NPAS1: variants seen among roughly 807,000 people sequenced by gnomAD.
NPAS1 encodes the protein neuronal PAS domain-containing protein 1.
Under a neutral mutation model 49.2 loss-of-function variants are expected in NPAS1, and 29 were observed. That is an observed-to-expected ratio of 0.59 (90% CI 0.44 to 0.80). The LOEUF (loss-of-function observed/expected upper bound fraction) is 0.80. Ranked by LOEUF, NPAS1 falls within the 30% of genes least tolerant of loss-of-function variation. NPAS1 has a pLI of 0.00. For synonymous variants in NPAS1, 408 were observed against 380.4 expected (o/e 1.07, Z -0.84); for missense variants, 825 against 835.5 (o/e 0.99, Z 0.15).
intron 3 of NPAS1, among the ~76,000 whole-genome samples, chr19:47,024,378 C>T (rs144566173): frequency 1.7e-4 from 26 of 152,064 alleles, no homozygotes; most frequent in South Asian, 6.3e-4. Context: ...TGGCCGGGTG[C>T]GGTGGCTCAC....
Position 47,039,435 on chromosome 19 carries a change from C to G in NPAS1, c.833C>G (p.Ala278Gly), listed in dbSNP as rs541837388. ...KVIHVTGRLR[A>G]HALGLVALGH... is the part of the protein sequence containing the mutation. ...ATCCACGTGACTGGGCGCCTTCGGG[C>G]CCACGCCCTGGGCCTTGTGGCCCTC... The change falls in exon 8 of 12, where the codon GCC (alanine) becomes GGC (glycine). Residue 278 changes from alanine (A) to glycine (G), a missense_variant. Transcript: ENST00000602212. 1.2e-6 allele frequency: 2 copies of G among 1,611,894 alleles called. No homozygotes were observed. Among genetic ancestry groups the G allele is most frequent in the South Asian group, 2.2e-5 (2 of 90,942 alleles).
chr19:47,040,705 A>G, intron 9 of NPAS1, 155 bp downstream of exon 9: 1 of 623,900 alleles, frequency 1.6e-6, no homozygotes, highest in Non-Finnish European at 2.8e-6. Flanking sequence ...GAAGAGCAGC[A>G]AGGAGACTGA....
At chr19:47,031,838 CTTAT>C (rs2056908060) in intron 3 of NPAS1, among the ~76,000 whole-genome samples, 2 of 151,944 alleles carry the variant, frequency 1.3e-5, no homozygotes, top group Admixed American at 1.3e-4. Context: ...CTGTTGGTTT[CTTAT>C]TTATTTATTT....
chr19:47,032,882 A>AC (rs2056917504), intron 5 of NPAS1, 150 bp downstream of exon 5: 1 of 634,792 alleles, frequency 1.6e-6, no homozygotes, highest in Admixed American at 2.5e-5. Flanking sequence ...TTGGCACCCC[A>AC]CATGGCACCC....
At chr19:47,042,711 G>A (rs1486516849) in intron 10 of NPAS1, 99 bp from the exon 11 acceptor site, 8 of 908,544 alleles carry the variant, frequency 8.8e-6, no homozygotes, top group South Asian at 3.7e-5. Flanking sequence ...ACATTTCCCC[G>A]TGGGAGTGTC....
chr19:47,032,283 G>C lies in NPAS1; in HGVS notation c.364G>C (p.Gly122Arg). Residue 122 changes from glycine (G) to arginine (R), a missense_variant, in exon 4 of 12, where the codon GGC becomes CGC. Physicochemically the swap from Gly to Arg is moderately radical, Grantham distance 125. Transcript: ENST00000602212. ...AAGPPAGLAPGRRGPAALVSE... is the reference protein window; with the variant it reads ...AAGPPAGLAPRRRGPAALVSE... ...CATCCTTCCATCTGCCCCAGCCCCA[G>C]GCCGCCGCGGCCCCGCAGCGCTGGT... 1 of 1,613,870 alleles carries C rather than the reference G, an allele frequency of 6.2e-7. No individual in the cohort carries two copies. Among genetic ancestry groups the C allele is most frequent in the Non-Finnish European group, 8.5e-7 (1 of 1,179,938 alleles).
In NPAS1 at chr19:47,045,448, C is replaced by G. The variant is rs575198687; in HGVS notation, c.1570C>G (p.Leu524Val). Residue 524 changes from leucine (L) to valine (V), a missense_variant, in exon 12 of 12, where the codon CTG becomes GTG. Transcript: ENST00000602212. ...APPGDPPPTL[L>V]HAGFLPPVVR... is the part of the protein sequence containing the mutation. ...TCCCGGGGACCCCCCGCCCACCCTC[C>G]TGCACGCGGGCTTCCTGCCGCCGGT... The G allele has an allele frequency of 6.3e-7, 1 of 1,597,716 alleles. No individual in the cohort carries two copies. Among genetic ancestry groups the G allele is most frequent in the African/African-American group, 1.3e-5 (1 of 74,540 alleles).
At chr19:47,025,801 C>T (rs904062770) in intron 3 of NPAS1, among the ~76,000 whole-genome samples, 2 of 152,104 alleles carry the variant, frequency 1.3e-5, no homozygotes, top group African/African-American at 4.8e-5. Context: ...TCTCACATTC[C>T]TGGGATCAAG....
chr19:47,020,894 GCCCC>G (rs560286873), intron 1 of NPAS1, 108 bp from the exon 2 acceptor site: 323 of 272,140 alleles, frequency 1.2e-3, no homozygotes, highest in East Asian at 2.2e-3. Context: ...CATCATCCAG[GCCCC>G]CCCCCCCCCA....
intron 6 of NPAS1, 69 bp from the exon 7 acceptor site, chr19:47,038,967 G>T: frequency 7.3e-7 from 1 of 1,376,998 alleles, no homozygotes. Context: ...GGCTGGCTCT[G>T]CAAGGGTCAG....
chr19:47,031,954 C>T (rs1450994163), intron 3 of NPAS1, among the ~76,000 whole-genome samples: 1 of 152,134 alleles, frequency 6.6e-6, no homozygotes, highest in African/African-American at 2.4e-5. Context: ...CTGTCCTGGT[C>T]ACCGTTGCAC....
Position 47,045,362 on chromosome 19 carries a change from CCT to C in NPAS1, c.1487_1488del (p.Ser496CysfsTer115), listed in dbSNP as rs765066396. 1.9e-6 allele frequency: 3 copies of C among 1,613,706 alleles called. No homozygotes were observed. The highest frequency in any genetic ancestry group is 3.3e-5 in the Admixed American group (2 of 60,008). On this transcript the variant is annotated frameshift_variant, in exon 12 of 12. Transcript: ENST00000602212. LOFTEE classifies it low-confidence loss of function (END_TRUNC). ...CCGGCCACACCGAGGCCCGAGTTCA[CCT>C]CTGTCATCCGGGCAGGGGTCCTGAA...
At chr19:47,039,780 G>A (rs1303292405) in intron 8 of NPAS1, among the ~76,000 whole-genome samples, 1 of 152,164 alleles carries the variant, frequency 6.6e-6, no homozygotes, top group Non-Finnish European at 1.5e-5. Context: ...GGGGATGGAA[G>A]AGGGGCTGTG....
Position 47,039,110 on chromosome 19 carries a change from C to G in NPAS1, c.763C>G (p.Leu255Val), listed in dbSNP as rs756611769. The change falls in exon 7 of 12, where the codon CTC (leucine) becomes GTC (valine). Residue 255 changes from leucine to valine, a missense_variant. Transcript: ENST00000602212. ...CTTCTTTGTCCGCATGAAATCCACG[C>G]TCACCAAGAGGGGGCTGCACGTCAA... The part of the protein sequence containing the change: ...RSFFVRMKST[L>V]TKRGLHVKAS... 1 of 1,613,716 alleles carries G rather than the reference C, an allele frequency of 6.2e-7. No homozygotes were observed. The highest frequency in any genetic ancestry group is 8.5e-7 in the Non-Finnish European group (1 of 1,179,800).
At chr19:47,033,820 A>C (rs2056925271) in intron 5 of NPAS1, among the ~76,000 whole-genome samples, 2 of 149,868 alleles carry the variant, frequency 1.3e-5, no homozygotes, top group South Asian at 4.4e-4. Flanking sequence ...TCTACAAAAA[A>C]ACTTAAAAAT....
chr19:47,039,406 G>A lies in NPAS1; in HGVS notation c.805-1G>A. The A allele has an allele frequency of 6.2e-7, 1 of 1,611,732 alleles. No homozygotes were observed. The highest frequency in any genetic ancestry group is 8.5e-7 in the Non-Finnish European group (1 of 1,179,854). On this transcript the variant is annotated splice_acceptor_variant, in intron 7 of 11. Coordinates refer to ENST00000602212, the MANE Select transcript of NPAS1 (RefSeq NM_002517.4). LOFTEE classifies it high-confidence loss of function. ...CCTCCAACCATGCCCACCACCAGCA[G>A]GTCATCCACGTGACTGGGCGCCTTC...
intron 6 of NPAS1, among the ~76,000 whole-genome samples, chr19:47,036,732 A>AAT (rs1555772034): frequency 3.3e-5 from 5 of 150,386 alleles, no homozygotes; most frequent in African/African-American, 1.2e-4. Flanking sequence ...AAAAAAAAAA[A>AAT]ATTAGCTGGG....
At chr19:47,023,543 G>A (rs529007186) in intron 3 of NPAS1, among the ~76,000 whole-genome samples, 45 of 152,270 alleles carry the variant, frequency 3.0e-4, no homozygotes, top group South Asian at 1.7e-3. Context: ...CCTAACAAGA[G>A]GCGAAGCACC....
At chr19:47,020,053 G>A in intron 1 of NPAS1, 56 bp downstream of exon 1, 1 of 373,098 alleles carries the variant, frequency 2.7e-6, no homozygotes, top group Non-Finnish European at 4.8e-6. Context: ...AGAGGAATGG[G>A]GGGCTGGAAC....
Sources: allele counts gnomAD v4.1 joint callset (sites outside exome capture counted in the v4.1 genomes callset), GRCh38; gene constraint gnomAD v4.1.1; transcripts MANE v1.5; gene names NCBI Gene and HGNC (gene_info 2026-07-23, HGNC 2026-07-21).